GSE1: variants seen among roughly 807,000 people sequenced by gnomAD.
GSE1 encodes the protein Gse1 coiled-coil protein.
A neutral mutation model predicts 112.6 loss-of-function variants in GSE1; 32 were observed. That is an observed-to-expected ratio of 0.28 (90% confidence interval 0.21 to 0.38). The LOEUF (loss-of-function observed/expected upper bound fraction) is 0.38. Ranked by LOEUF, GSE1 falls within the 10% of genes least tolerant of loss-of-function variation. The probability of loss-of-function intolerance (pLI) is 1.00; values close to 1 mark genes in which losing one functional copy is unlikely to be tolerated. For missense variants in GSE1, 2,348 were observed against 1,699.2 expected (o/e 1.38, Z -6.71); for synonymous variants, 1,115 against 735.6 (o/e 1.52, Z -8.35).
At chr16:85,188,824 AAC>A in intron 1 of GSE1, among the ~76,000 whole-genome samples, 1 of 151,374 alleles carries the variant, frequency 6.6e-6, no homozygotes, top group Admixed American at 6.6e-5. Context: ...AAAAAAACAA[AAC>A]AAAAAAACAC....
At chr16:85,562,832 G>A (rs2045583538) in intron 1 of GSE1, among the ~76,000 whole-genome samples, 1 of 152,062 alleles carries the variant, frequency 6.6e-6, no homozygotes, top group African/African-American at 2.4e-5. Flanking sequence ...AGGAGACCTC[G>A]CAGGCCTGTT....
At chr16:85,616,600 G>C (rs1024090377) in intron 1 of GSE1, among the ~76,000 whole-genome samples, 1 of 152,136 alleles carries the variant, frequency 6.6e-6, no homozygotes, top group African/African-American at 2.4e-5. Flanking sequence ...TGGTGTGCCG[G>C]GAGAGCTGTT....
intron 1 of GSE1, among the ~76,000 whole-genome samples, chr16:85,628,395 C>T (rs1026296095): frequency 2.0e-4 from 31 of 152,212 alleles, no homozygotes; most frequent in African/African-American, 7.0e-4. Flanking sequence ...CTGGAGGGGG[C>T]CCATGGGGCC....
chr16:85,508,854 A>C (rs1360522934), intron 2 of GSE1, among the ~76,000 whole-genome samples: 1 of 152,212 alleles, frequency 6.6e-6, no homozygotes, highest in Non-Finnish European at 1.5e-5. Flanking sequence ...GCCTGGTGTC[A>C]GGTCCTGGGG....
rs142698675 is a variant in GSE1 at position 85,264,915 on chromosome 16, G to T, written c.2284-92548G>T. Among the ~76,000 whole-genome samples, 1,337 of 152,244 alleles carry T rather than the reference G, an allele frequency of 8.8e-3. 17 individuals are homozygous for T. Among genetic ancestry groups the T allele is most frequent in the Non-Finnish European group, 9.7e-3 (661 of 68,014 alleles). On this transcript the variant is annotated intron_variant, in intron 1 of 2. Coordinates refer to the GSE1 transcript ENST00000637419. ...TTCCCCTACTTCCAAGCTGTGTGAG[G>T]CCAGGCAGGTGACTTGGCCTCTCCG...
chr16:85,322,648 C>G (rs1054307070), intron 1 of GSE1, among the ~76,000 whole-genome samples: 1 of 145,550 alleles, frequency 6.9e-6, no homozygotes, highest in Non-Finnish European at 1.5e-5. Context: ...CAGAGTATTG[C>G]TCTGTCGCCC....
chr16:85,581,300 G>T (rs1183520553), intron 1 of GSE1, among the ~76,000 whole-genome samples: 1 of 152,188 alleles, frequency 6.6e-6, no homozygotes, highest in African/African-American at 2.4e-5. Flanking sequence ...CCCAGGAAAT[G>T]AGGAAGGTTG....
chr16:85,334,080 C>T (rs1392118924), intron 1 of GSE1, among the ~76,000 whole-genome samples: 4 of 152,248 alleles, frequency 2.6e-5, no homozygotes, highest in Non-Finnish European at 5.9e-5. Flanking sequence ...TCTCCAGCCA[C>T]TCCCCTGCTC....
chr16:85,442,657 G>A (rs1245440904), intron 2 of GSE1, among the ~76,000 whole-genome samples: 2 of 152,158 alleles, frequency 1.3e-5, no homozygotes, highest in South Asian at 2.1e-4. Flanking sequence ...CAAACCCAGA[G>A]GGCACCCAGG....
chr16:85,644,824 A>C (rs981386499), intron 2 of GSE1, among the ~76,000 whole-genome samples: 3 of 151,346 alleles, frequency 2.0e-5, no homozygotes, highest in South Asian at 2.1e-4. Context: ...AGCTATAACA[A>C]CTGAAACCCA....
chr16:85,169,947 C>G (rs2074331530), exon 1 of GSE1: 4 of 984,496 alleles, frequency 4.1e-6, no homozygotes, highest in Middle Eastern at 5.2e-4. Flanking sequence ...GGAACGTCGC[C>G]TACGCGCTGG....
At chr16:85,318,845 T>C (rs2046039291) in intron 1 of GSE1, among the ~76,000 whole-genome samples, 1 of 152,198 alleles carries the variant, frequency 6.6e-6, no homozygotes, top group South Asian at 2.1e-4. Context: ...GACTGTCAGT[T>C]CCTGGGCCAC....
At position 85,622,829 on chromosome 16, in the gene GSE1, C is replaced by T. The variant is rs527553851; in HGVS notation, c.7+9431C>T. The stretch of plus-strand genomic sequence containing the variant: ...TTTCTGTTACACCCTCATGGAGTTA[C>T]CGTGTCGATGACATCTGAGTGGAGT... On this transcript the variant is annotated intron_variant, in intron 1 of 15. Transcript: ENST00000253458. 5.3e-5 allele frequency among the ~76,000 whole-genome samples: 8 copies of T among 152,260 alleles called. No homozygotes were observed. The South Asian group carries it at 1.7e-3, about 32-fold the overall frequency.
chr16:85,616,110 A>G (rs1354235401), intron 1 of GSE1, among the ~76,000 whole-genome samples: 3 of 152,244 alleles, frequency 2.0e-5, no homozygotes, highest in Non-Finnish European at 4.4e-5. Context: ...AGGAAGAGCC[A>G]AGTCTGCACA....
At chr16:85,227,890 C>T (rs1420286895) in intron 1 of GSE1, among the ~76,000 whole-genome samples, 2 of 152,210 alleles carry the variant, frequency 1.3e-5, no homozygotes, top group African/African-American at 2.4e-5. Context: ...CCTACCTTCA[C>T]GGGGCTCACA....
Position 85,672,660 on chromosome 16 carries a change from T to G in GSE1, c.*121T>G, listed in dbSNP as rs2152033064. The G allele has an allele frequency of 4.7e-6, 3 of 638,860 alleles. No individual in the cohort carries two copies. Among genetic ancestry groups the G allele is most frequent in the Non-Finnish European group, 7.3e-6 (3 of 411,228 alleles). 39.6% of individuals were successfully genotyped at this position (638,860 alleles called of 1,614,324 possible). ...TTACAAAATGAGAATGTGCCATGCA[T>G]GAAGCAAAGGATTCCAGGCTCCAGA... On this transcript the variant is annotated 3_prime_UTR_variant, in exon 16 of 16. Transcript: ENST00000253458.
At chr16:85,327,620 CAT>C (rs573569086) in intron 1 of GSE1, among the ~76,000 whole-genome samples, 30 of 152,240 alleles carry the variant, frequency 2.0e-4, no homozygotes, top group African/African-American at 7.2e-4. Flanking sequence ...CAAAACAAAA[CAT>C]AAACAAAACT....
intron 1 of GSE1, among the ~76,000 whole-genome samples, chr16:85,182,396 C>T (rs1211925378): frequency 1.3e-5 from 2 of 152,192 alleles, no homozygotes; most frequent in African/African-American, 4.8e-5. Context: ...CGTGTGAGCC[C>T]CATGGTGAAA....
chr16:85,320,809 G>A (rs1278441590), intron 1 of GSE1, among the ~76,000 whole-genome samples: 1 of 152,150 alleles, frequency 6.6e-6, no homozygotes, highest in East Asian at 1.9e-4. Flanking sequence ...CACTCTGCGT[G>A]GCTGCCCTGG....
Sources: gnomAD v4.1 joint callset for allele counts (sites outside exome capture counted in the v4.1 genomes callset) on GRCh38, gnomAD v4.1.1 for gene constraint, MANE v1.5 for transcripts, NCBI Gene and HGNC (gene_info 2026-07-23, HGNC 2026-07-21) for gene names.